FRMD4B: variants seen among roughly 807,000 people sequenced by gnomAD.
The protein encoded by FRMD4B is FERM domain containing 4B.
In FRMD4B, 74 loss-of-function variants were observed where a neutral mutation model predicts 141.5. That is an observed-to-expected ratio of 0.52 (90% CI 0.43 to 0.63). FRMD4B has a LOEUF of 0.63. Ranked by LOEUF, FRMD4B falls within the 30% of genes least tolerant of loss-of-function variation. FRMD4B has a pLI of 0.00. For missense variants in FRMD4B, 1,366 were observed against 1,253.4 expected, an observed-to-expected ratio of 1.09 and a Z score of -1.36; for synonymous variants, 506 against 467.9, an observed-to-expected ratio of 1.08 and a Z score of -1.05.
chr3:69,343,113 C>G (rs908593053), intron 1 of FRMD4B, among the ~76,000 whole-genome samples: 35 of 151,528 alleles, frequency 2.3e-4, no homozygotes, highest in African/African-American at 7.8e-4. Flanking sequence ...ACCACCACAT[C>G]TGCCTAATTT....
At chr3:69,254,258 C>T (rs941574523) in intron 5 of FRMD4B, among the ~76,000 whole-genome samples, 7 of 152,200 alleles carry the variant, frequency 4.6e-5, no homozygotes, top group Non-Finnish European at 7.3e-5. Context: ...GGGCCCACTA[C>T]CATGCCCGGC....
intron 1 of FRMD4B, among the ~76,000 whole-genome samples, chr3:69,510,843 T>TC (rs1298841752): frequency 6.6e-6 from 1 of 152,234 alleles, no homozygotes; most frequent in Non-Finnish European, 1.5e-5. Flanking sequence ...CCTGACCTTT[T>TC]CTCATACTTC....
At position 69,181,338 on chromosome 3, in the gene FRMD4B, G is replaced by A. The variant is rs2092705685; in HGVS notation, c.2412C>T (p.Tyr804=). ...CATAGGGTGTGTACCCGGCAATGTA[G>A]TAACTGGAAGACGGTGGCTCCTGAC... ...SKSQEPPSSS[Y]YIAGYTPYAE... is the part of the protein sequence containing the mutation. Residue 804 remains tyrosine, a synonymous_variant, in exon 21 of 23, where the codon TAC becomes TAT. Coordinates refer to ENST00000398540, the MANE Select transcript of FRMD4B (RefSeq NM_015123.3). 2 of 1,613,818 alleles carry A rather than the reference G, an allele frequency of 1.2e-6. No individual in the cohort carries two copies.
chr3:69,503,894 T>C (rs181662104), intron 1 of FRMD4B, among the ~76,000 whole-genome samples: 85 of 152,330 alleles, frequency 5.6e-4, no homozygotes, highest in African/African-American at 1.8e-3. Context: ...GTTACTAGTA[T>C]CCTGGTTGTT....
At chr3:69,438,648 T>C (rs1259350383) in intron 1 of FRMD4B, among the ~76,000 whole-genome samples, 1 of 152,032 alleles carries the variant, frequency 6.6e-6, no homozygotes, top group Non-Finnish European at 1.5e-5. Context: ...GGGCAATAGA[T>C]AAATGAAGCA....
At chr3:69,393,680 T>C (rs72937849) in intron 2 of FRMD4B, among the ~76,000 whole-genome samples, 9,875 of 152,210 alleles carry the variant, frequency 0.065, 987 homozygotes, top group African/African-American at 0.21. Context: ...TCTATACTTA[T>C]TAAGTCTACT....
chr3:69,189,577 C>G (rs1031087707), intron 18 of FRMD4B, among the ~76,000 whole-genome samples: 2 of 152,112 alleles, frequency 1.3e-5, no homozygotes, highest in African/African-American at 2.4e-5. Flanking sequence ...CTCCGTAAAT[C>G]TATGATTACT....
At chr3:69,218,071 A>G (rs149506677) in intron 10 of FRMD4B, among the ~76,000 whole-genome samples, 12 of 152,308 alleles carry the variant, frequency 7.9e-5, no homozygotes, top group African/African-American at 2.9e-4. Context: ...TAGTGCTAGA[A>G]AGGTGACCAA....
chr3:69,461,019 C>G (rs959521328), intron 1 of FRMD4B, among the ~76,000 whole-genome samples: 2 of 152,152 alleles, frequency 1.3e-5, no homozygotes, highest in East Asian at 3.9e-4. Context: ...TGGATATTAG[C>G]ATTCTACATC....
intron 1 of FRMD4B, among the ~76,000 whole-genome samples, chr3:69,480,697 G>A (rs1370031944): frequency 1.3e-5 from 2 of 152,196 alleles, no homozygotes; most frequent in Non-Finnish European, 2.9e-5. Flanking sequence ...CCCGTTCTCA[G>A]ATCTCCAGCT....
At chr3:69,310,088 T>G (rs1701527194) in intron 3 of FRMD4B, among the ~76,000 whole-genome samples, 1 of 152,184 alleles carries the variant, frequency 6.6e-6, no homozygotes, top group African/African-American at 2.4e-5. Context: ...CTAGTGTACT[T>G]TCTTCTGCCT....
chr3:69,196,417 A>C, intron 13 of FRMD4B, 21 bp from the exon 14 acceptor site: 1 of 1,581,712 alleles, frequency 6.3e-7, no homozygotes, highest in African/African-American at 1.4e-5. Context: ...TACAACAATG[A>C]AACAGAATTA....
chr3:69,199,790 G>A lies in FRMD4B; in HGVS notation c.877-1016C>T, dbSNP rs541747050. 1.1e-4 allele frequency among the ~76,000 whole-genome samples: 16 copies of A among 152,336 alleles called. No homozygotes were observed. The South Asian group carries it at 3.3e-3, about 32-fold the overall frequency. ...GGGAGGAACAAACTTTACTAGCAATGTGCATTTGAAAACCAAATAATTTGA... is the reference window on the plus strand; with the variant it reads ...GGGAGGAACAAACTTTACTAGCAATATGCATTTGAAAACCAAATAATTTGA... On this transcript the variant is annotated intron_variant, in intron 11 of 22. Transcript: ENST00000398540.
At chr3:69,188,312 T>C (rs540971207) in intron 18 of FRMD4B, among the ~76,000 whole-genome samples, 27 of 152,350 alleles carry the variant, frequency 1.8e-4, no homozygotes, top group Non-Finnish European at 1.8e-4. Context: ...TAGGCCTCTT[T>C]GGCCAAAGGC....
intron 1 of FRMD4B, among the ~76,000 whole-genome samples, chr3:69,537,719 T>A (rs185326356): frequency 6.6e-6 from 1 of 152,242 alleles, no homozygotes; most frequent in Non-Finnish European, 1.5e-5. Context: ...GTTTTCCTTA[T>A]ACACATGAAA....
intron 1 of FRMD4B, among the ~76,000 whole-genome samples, chr3:69,344,693 C>T (rs564087258): frequency 1.4e-4 from 22 of 152,154 alleles, no homozygotes; most frequent in South Asian, 4.1e-4. Flanking sequence ...CCTTTATAGA[C>T]GACCAGTTTC....
At chr3:69,487,613 T>C (rs1295169826) in intron 1 of FRMD4B, among the ~76,000 whole-genome samples, 1 of 152,168 alleles carries the variant, frequency 6.6e-6, no homozygotes, top group Non-Finnish European at 1.5e-5. Context: ...ATAATCTGCT[T>C]CCTCTTAGAA....
At chr3:69,178,030 T>C (rs1431736249) in intron 21 of FRMD4B, among the ~76,000 whole-genome samples, 3 of 152,148 alleles carry the variant, frequency 2.0e-5, no homozygotes. Flanking sequence ...AAGGACATAA[T>C]TTGGGAGCGA....
At chr3:69,405,976 T>C (rs564199251) in intron 2 of FRMD4B, among the ~76,000 whole-genome samples, 79 of 152,226 alleles carry the variant, frequency 5.2e-4, no homozygotes, top group Non-Finnish European at 7.9e-4. Flanking sequence ...ATAATAATTA[T>C]TAAATTCTTT....
Sources: gnomAD v4.1 joint callset for allele counts (sites outside exome capture counted in the v4.1 genomes callset) on GRCh38, gnomAD v4.1.1 for gene constraint, MANE v1.5 for transcripts, NCBI Gene and HGNC (gene_info 2026-07-23, HGNC 2026-07-21) for gene names.